The following HECW1 variants were observed in gnomAD, a reference collection of about 807,000 sequenced individuals.
HECW1 encodes the protein HECT, C2 and WW domain containing E3 ubiquitin protein ligase 1.
A neutral mutation model predicts 182.3 loss-of-function variants in HECW1; 61 were observed. The ratio of observed to expected loss-of-function variants is 0.33; its 90% confidence interval spans 0.27 to 0.41. HECW1 has a LOEUF of 0.41. Among genes scored for constraint, HECW1 ranks in the 10% least tolerant of loss-of-function variants. The pLI is 1.00. For missense variants in HECW1, 1,739 were observed against 2,108.9 expected (o/e 0.82, Z 3.44); for synonymous variants, 859 against 832.6 (o/e 1.03, Z -0.55).
intron 7 of HECW1, among the ~76,000 whole-genome samples, chr7:43,406,979 C>G (rs1038705205): frequency 1.3e-5 from 2 of 152,032 alleles, no homozygotes; most frequent in East Asian, 3.9e-4. Context: ...CATTATCCAA[C>G]TATAAACTGT....
chr7:43,343,766 C>T (rs1034751478), intron 5 of HECW1, among the ~76,000 whole-genome samples: 9 of 151,828 alleles, frequency 5.9e-5, no homozygotes, highest in African/African-American at 2.2e-4. Context: ...ATTTATAATC[C>T]TTTGGGTATA....
chr7:43,467,556 A>G (rs55674782), intron 15 of HECW1, among the ~76,000 whole-genome samples: 89,856 of 151,730 alleles, frequency 0.59, 26,939 homozygotes, highest in Middle Eastern at 0.72. Flanking sequence ...GCCTGACCAG[A>G]GGGGTTGATG....
At chr7:43,386,105 G>A (rs1212855375) in intron 6 of HECW1, among the ~76,000 whole-genome samples, 1 of 152,162 alleles carries the variant, frequency 6.6e-6, no homozygotes, top group East Asian at 1.9e-4. Flanking sequence ...CTTACCACGT[G>A]GTCCCCTCCA....
chr7:43,399,840 T>C (rs2075347636), intron 7 of HECW1, among the ~76,000 whole-genome samples: 1 of 152,240 alleles, frequency 6.6e-6, no homozygotes, highest in Admixed American at 6.5e-5. Context: ...AAGCTTGGAA[T>C]GGTCATGGAC....
At chr7:43,486,238 G>A (rs1305492653) in intron 17 of HECW1, among the ~76,000 whole-genome samples, 3 of 151,932 alleles carry the variant, frequency 2.0e-5, no homozygotes, top group Admixed American at 2.0e-4. Context: ...TGGTGTATAT[G>A]TGCCACATTT....
At chr7:43,556,706 A>G (rs533337636) in intron 29 of HECW1, among the ~76,000 whole-genome samples, 57 of 151,892 alleles carry the variant, frequency 3.8e-4, no homozygotes, top group South Asian at 3.5e-3. Context: ...TTAAAAAAAA[A>G]AAAGAAAGAA....
intron 6 of HECW1, among the ~76,000 whole-genome samples, chr7:43,378,880 C>A (rs2074432023): frequency 6.6e-6 from 1 of 151,934 alleles, no homozygotes; most frequent in Non-Finnish European, 1.5e-5. Flanking sequence ...GTGAAACAGA[C>A]AAGACTGTCT....
rs372033451 is a variant in HECW1, at chr7:43,222,066, G to A, written c.-31-21809G>A. Among the ~76,000 whole-genome samples the A allele has an allele frequency of 2.4e-4, 36 of 152,282 alleles. No homozygotes were observed. In the South Asian group the frequency reaches 5.4e-3, roughly 23 times the overall value. On this transcript the variant is annotated intron_variant, in intron 2 of 29. Coordinates refer to ENST00000395891, the MANE Select transcript of HECW1 (RefSeq NM_015052.5). Reference sequence around the variant, plus strand: ...AGATCTGCAGGCCATTCATATGGACGTTAAGGTTTAAAAGTTCCTCTAGGC... The same window carrying A: ...AGATCTGCAGGCCATTCATATGGACATTAAGGTTTAAAAGTTCCTCTAGGC...
At chr7:43,197,150 A>G (rs1794533228) in intron 2 of HECW1, among the ~76,000 whole-genome samples, 1 of 152,182 alleles carries the variant, frequency 6.6e-6, no homozygotes, top group South Asian at 2.1e-4. Context: ...CCAAAAGAGA[A>G]TTTATAGAAA....
intron 3 of HECW1, among the ~76,000 whole-genome samples, chr7:43,271,437 A>G (rs949549442): frequency 1.3e-5 from 2 of 152,336 alleles, no homozygotes; most frequent in Non-Finnish European, 2.9e-5. Flanking sequence ...CCCGAATTAT[A>G]TGATTCTGTA....
chr7:43,206,849 T>A (rs1214532054), intron 2 of HECW1, among the ~76,000 whole-genome samples: 2 of 152,248 alleles, frequency 1.3e-5, no homozygotes, highest in Non-Finnish European at 2.9e-5. Context: ...TTAAGCTATT[T>A]AGAATGAAAA....
intron 3 of HECW1, among the ~76,000 whole-genome samples, chr7:43,256,638 A>G (rs542047780): frequency 6.6e-6 from 1 of 151,804 alleles, no homozygotes; most frequent in South Asian, 2.1e-4. Flanking sequence ...AAAAGAAAAG[A>G]TGAACATCAA....
chr7:43,160,672 T>G (rs1324388580), intron 2 of HECW1, among the ~76,000 whole-genome samples: 3 of 152,146 alleles, frequency 2.0e-5, no homozygotes, highest in Non-Finnish European at 4.4e-5. Flanking sequence ...TTAATTATTG[T>G]CATTTACTAT....
At chr7:43,308,900 GC>G (rs1808140992) in intron 3 of HECW1, among the ~76,000 whole-genome samples, 1 of 152,166 alleles carries the variant, frequency 6.6e-6, no homozygotes, top group Non-Finnish European at 1.5e-5. Context: ...GGGATTACAG[GC>G]CTGAACCACC....
intron 2 of HECW1, among the ~76,000 whole-genome samples, chr7:43,236,485 G>A (rs965819640): frequency 8.5e-5 from 13 of 152,174 alleles, no homozygotes; most frequent in Non-Finnish European, 5.9e-5. Flanking sequence ...ACATTTTAGG[G>A]AGACATGAGA....
chr7:43,480,442 C>T (rs575116966), intron 17 of HECW1, among the ~76,000 whole-genome samples: 2 of 152,124 alleles, frequency 1.3e-5, no homozygotes, highest in East Asian at 3.9e-4. Flanking sequence ...TTGACATTTC[C>T]CAAGTATCTG....
At chr7:43,281,269 A>G (rs1029810790) in intron 3 of HECW1, among the ~76,000 whole-genome samples, 3 of 152,076 alleles carry the variant, frequency 2.0e-5, no homozygotes, top group Admixed American at 6.5e-5. Flanking sequence ...CCAAAACGGC[A>G]TCTCCTATCT....
chr7:43,441,819 C>A (rs2076897679), intron 9 of HECW1, among the ~76,000 whole-genome samples: 1 of 152,214 alleles, frequency 6.6e-6, no homozygotes. Flanking sequence ...CTTTTTCCAA[C>A]AATTTAAAAT....
At chr7:43,420,283 T>C (rs2076137983) in intron 8 of HECW1, among the ~76,000 whole-genome samples, 1 of 152,224 alleles carries the variant, frequency 6.6e-6, no homozygotes, top group African/African-American at 2.4e-5. Flanking sequence ...AAGAGGAACC[T>C]CTACTTTACT....
Sources: gnomAD v4.1 joint callset for allele counts (sites outside exome capture counted in the v4.1 genomes callset) on GRCh38, gnomAD v4.1.1 for gene constraint, MANE v1.5 for transcripts, NCBI Gene and HGNC (gene_info 2026-07-23, HGNC 2026-07-21) for gene names.